Variants in AGR3 observed in about 807,000 individuals in gnomAD.
AGR3 encodes anterior gradient 3, protein disulphide isomerase family member.
AGR3 carries 37 observed loss-of-function variants against 24.5 expected under a neutral mutation model. The ratio of observed to expected loss-of-function variants is 1.51; its 90% confidence interval spans 1.16 to 1.99. The LOEUF is 1.99. Among genes scored for constraint, AGR3 ranks in the 30% most tolerant of loss-of-function variants. The pLI is 0.00. For missense variants in AGR3, 228 were observed against 191.1 expected (o/e 1.19, Z -1.14); for synonymous variants, 75 against 61.6 (o/e 1.22, Z -1.02).
chr7:16,860,164 T>C (rs1374929789), intron 7 of AGR3, among the ~76,000 whole-genome samples: 1 of 152,174 alleles, frequency 6.6e-6, no homozygotes, highest in African/African-American at 2.4e-5. Context: ...TAAAGAAAGA[T>C]GAAATGATTT....
At chr7:16,854,719 G>A (rs562656846), downstream of AGR3, among the ~76,000 whole-genome samples, 1 of 152,182 alleles carries the variant, frequency 6.6e-6, no homozygotes, top group Admixed American at 6.5e-5. Flanking sequence ...CAGATCTGGA[G>A]GGTAGAGATC....
chr7:16,861,490 G>T, intron 5 of AGR3, 43 bp from the exon 6 acceptor site: 1 of 1,502,900 alleles, frequency 6.7e-7, no homozygotes, highest in Non-Finnish European at 9.2e-7. Context: ...GGATTCATTT[G>T]TTTTTGATAG....
At chr7:16,865,839 G>C (rs1334084609) in intron 3 of AGR3, 5 of 742,248 alleles carry the variant, frequency 6.7e-6, no homozygotes, top group Non-Finnish European at 1.3e-5. Context: ...TCTTGTACTT[G>C]AATACCATTC....
At chr7:16,881,079 A>T (rs1197611036) in intron 1 of AGR3, among the ~76,000 whole-genome samples, 1 of 152,222 alleles carries the variant, frequency 6.6e-6, no homozygotes, top group East Asian at 1.9e-4. Flanking sequence ...AGAAAAGTCA[A>T]TCTGGAAGGA....
chr7:16,873,629 G>C, intron 3 of AGR3, 151 bp downstream of exon 3: 1 of 623,060 alleles, frequency 1.6e-6, no homozygotes, highest in South Asian at 2.1e-5. Flanking sequence ...GAAATGATAT[G>C]TTTCAGGTGA....
rs1181366144 is a variant in AGR3 at position 16,864,289 on chromosome 7, T to A, written c.174-1627A>T. ...CTATGTCCCATCACTCTCATAGTCT[T>A]CTATTATTATATTTTCTTCCACGTC... On this transcript the variant is annotated intron_variant, in intron 3 of 7. Transcript: ENST00000310398. 3 of 1,355,620 alleles carry A rather than the reference T, an allele frequency of 2.2e-6. No individual in the cohort carries two copies. In the African/African-American group the frequency reaches 4.3e-5, roughly 20 times the overall value. The allele number at this position is 1,355,620 out of a possible 1,614,324, so 84.0% of individuals were successfully genotyped here.
At chr7:16,860,314 G>C in intron 7 of AGR3, 186 bp downstream of exon 7, 1 of 549,362 alleles carries the variant, frequency 1.8e-6, no homozygotes, top group South Asian at 2.5e-5. Flanking sequence ...AGACATCCCT[G>C]TTAAAATAGA....
intron 3 of AGR3, among the ~76,000 whole-genome samples, chr7:16,868,895 C>T (rs1781810682): frequency 6.6e-6 from 1 of 152,148 alleles, no homozygotes; most frequent in Non-Finnish European, 1.5e-5. Context: ...ATCAATTCAT[C>T]TGTTGATGGT....
chr7:16,865,406 T>TCA (rs1277855237), intron 3 of AGR3: 5 of 968,966 alleles, frequency 5.2e-6, no homozygotes, highest in Non-Finnish European at 8.3e-6. Context: ...TAGTCACTAT[T>TCA]CGATTAAGAA....
intron 3 of AGR3, chr7:16,865,044 T>C: frequency 2.5e-6 from 2 of 806,438 alleles, no homozygotes; most frequent in Non-Finnish European, 4.5e-6. Context: ...TTCTGATAAA[T>C]GAGAGGGCAA....
At chr7:16,868,968 T>C (rs1451321549) in intron 3 of AGR3, among the ~76,000 whole-genome samples, 1 of 152,216 alleles carries the variant, frequency 6.6e-6, no homozygotes, top group Non-Finnish European at 1.5e-5. Flanking sequence ...TCATGTGTCA[T>C]GTGATCTGTT....
At chr7:16,858,078 C>T (rs539191574), downstream of AGR3, among the ~76,000 whole-genome samples, 1 of 151,834 alleles carries the variant, frequency 6.6e-6, no homozygotes, top group Non-Finnish European at 1.5e-5. Flanking sequence ...ACCTCCACCT[C>T]CCAGGTTCAA....
intron 3 of AGR3, among the ~76,000 whole-genome samples, chr7:16,863,311 C>T (rs1781685504): frequency 6.6e-6 from 1 of 152,170 alleles, no homozygotes; most frequent in South Asian, 2.1e-4. Context: ...AAGACTTTTA[C>T]ATTTAGTTTT....
chr7:16,864,728 G>A (rs1185429235), intron 3 of AGR3: 1 of 1,474,076 alleles, frequency 6.8e-7, no homozygotes, highest in Non-Finnish European at 9.5e-7. Flanking sequence ...AGAAACCACT[G>A]CGGTGTGTGC....
Position 16,873,800 on chromosome 7 carries a change from A to T in AGR3, c.153T>A (p.Gly51=). 1.9e-6 allele frequency: 3 copies of T among 1,613,060 alleles called. No homozygotes were observed. The highest frequency in any genetic ancestry group is 2.5e-6 in the Non-Finnish European group (3 of 1,179,244). The stretch of plus-strand genomic sequence containing the variant: ...GTTACCTTTTTTGAGCATAAAAGAG[A>T]CCTTCTTCATAAGTTTGTACCCAAG... The part of the protein sequence containing the change: ...DITWVQTYEE[G]LFYAQKSKKP... Residue 51 remains glycine (G), a synonymous_variant, in exon 3 of 8, where the codon GGT becomes GGA. Transcript: ENST00000310398.
At chr7:16,867,019 G>T (rs1443026037) in intron 3 of AGR3, among the ~76,000 whole-genome samples, 1 of 152,084 alleles carries the variant, frequency 6.6e-6, no homozygotes, top group African/African-American at 2.4e-5. Context: ...GAGGCCAGGG[G>T]AGCATCTACA....
chr7:16,871,778 G>A lies in AGR3; in HGVS notation c.173+2002C>T, dbSNP rs139787390. On this transcript the variant is annotated intron_variant, in intron 3 of 7. Transcript: ENST00000310398. ...AATCACTGGAACCTGGGAGGCAGAG[G>A]TTGCAGCGAGCTGAGATCGCGCCAC... is the stretch of plus-strand genomic sequence containing the variant. Among the ~76,000 whole-genome samples, 150 of 152,218 alleles carry A rather than the reference G, an allele frequency of 9.9e-4. 1 individual carries two copies. In the Middle Eastern group the frequency reaches 0.014, roughly 14 times the overall value.
chr7:16,860,580 G>A lies in AGR3; in HGVS notation c.371C>T (p.Pro124Leu), dbSNP rs746508397. ...TATGTCAGCTCTAACTGTTAAAGAA[G>A]GGTCTGTCAAGGAAAAAACCAAGTC... Reference protein sequence around the residue: ...QYVPRIMFVDPSLTVRADIAG... With the variant: ...QYVPRIMFVDLSLTVRADIAG... Residue 124 changes from proline (P) to leucine (L), a missense_variant, in exon 7 of 8, where the codon CCT becomes CTT. Transcript: ENST00000310398. 3 of 1,610,456 alleles carry A rather than the reference G, an allele frequency of 1.9e-6. No homozygotes were observed. The highest frequency in any genetic ancestry group is 2.5e-6 in the Non-Finnish European group (3 of 1,178,308).
At chr7:16,865,928 T>A (rs1781750596) in intron 3 of AGR3, 3 of 702,280 alleles carry the variant, frequency 4.3e-6, no homozygotes, top group Non-Finnish European at 7.9e-6. Flanking sequence ...TCCATCCTGT[T>A]TTGGTTGCCT....
Sources: allele counts gnomAD v4.1 joint callset (sites outside exome capture counted in the v4.1 genomes callset), GRCh38; gene constraint gnomAD v4.1.1; transcripts MANE v1.5; gene names NCBI Gene and HGNC (gene_info 2026-07-23, HGNC 2026-07-21).